RNGTT: variants seen among roughly 807,000 people sequenced by gnomAD.
RNGTT encodes the protein RNA guanylyltransferase and 5'-phosphatase, also known as mRNA-capping enzyme.
Under a neutral mutation model 79.3 loss-of-function variants are expected in RNGTT, and 33 were observed. The observed-to-expected ratio is 0.42, with a 90% CI of 0.32 to 0.56. The LOEUF is 0.56. RNGTT is among the 20% of genes least tolerant of loss of function. The pLI is 0.17. For synonymous variants in RNGTT, 222 were observed against 235.9 expected (o/e 0.94, Z 0.54); for missense variants, 497 against 739.1 (o/e 0.67, Z 3.80).
chr6:88,950,829 C>T (rs1785218410), intron 1 of RNGTT, among the ~76,000 whole-genome samples: 1 of 150,662 alleles, frequency 6.6e-6, no homozygotes, highest in Admixed American at 6.6e-5. Flanking sequence ...GAGATACTGT[C>T]TCAAAAAAAT....
At chr6:88,641,245 A>G (rs1773306305) in intron 14 of RNGTT, among the ~76,000 whole-genome samples, 1 of 151,934 alleles carries the variant, frequency 6.6e-6, no homozygotes, top group African/African-American at 2.4e-5. Flanking sequence ...AAGCTGAGGC[A>G]GGAGAATCAC....
intron 14 of RNGTT, among the ~76,000 whole-genome samples, chr6:88,645,697 C>T (rs1326661435): frequency 1.3e-5 from 2 of 152,112 alleles, no homozygotes; most frequent in African/African-American, 4.8e-5. Flanking sequence ...AGAAATAATA[C>T]CACACATCTA....
intron 13 of RNGTT, among the ~76,000 whole-genome samples, chr6:88,688,317 A>G (rs1417401918): frequency 6.6e-6 from 1 of 152,228 alleles, no homozygotes; most frequent in African/African-American, 2.4e-5. Flanking sequence ...ACTATCAGTA[A>G]GGCCTCATGC....
chr6:88,853,321 C>T (rs1268619507), intron 9 of RNGTT, among the ~76,000 whole-genome samples: 1 of 152,050 alleles, frequency 6.6e-6, no homozygotes, highest in Non-Finnish European at 1.5e-5. Context: ...GCCTGACCAA[C>T]ATGTGAAACA....
intron 2 of RNGTT, among the ~76,000 whole-genome samples, chr6:88,937,160 A>G (rs887111208): frequency 6.6e-6 from 1 of 152,124 alleles, no homozygotes; most frequent in African/African-American, 2.4e-5. Flanking sequence ...TCTGACCACC[A>G]TGAAGAAACC....
intron 10 of RNGTT, among the ~76,000 whole-genome samples, chr6:88,848,288 T>G (rs1354228471): frequency 6.6e-6 from 1 of 152,044 alleles, no homozygotes; most frequent in Non-Finnish European, 1.5e-5. Context: ...GCTGATTTAA[T>G]CACCATCTCC....
chr6:88,842,670 A>G (rs1396931526), intron 11 of RNGTT, among the ~76,000 whole-genome samples: 1 of 152,238 alleles, frequency 6.6e-6, no homozygotes, highest in African/African-American at 2.4e-5. Context: ...ACAAAATCAT[A>G]GCAATATTAG....
In RNGTT at chr6:88,765,657, A is replaced by G. The variant is rs76607751; in HGVS notation, c.1439+4117T>C. ...ACAGATGAGGAAGGTTAGGTAGGTT[A>G]AGTTAACAAGACCACACAGCAAATA... is the stretch of plus-strand genomic sequence containing the variant. On this transcript the variant is annotated intron_variant, in intron 13 of 15. Transcript: ENST00000369485. Among the ~76,000 whole-genome samples, 1,373 of 152,312 alleles carry G rather than the reference A, an allele frequency of 9.0e-3. 19 individuals are homozygous for G. Among genetic ancestry groups the G allele is most frequent in the African/African-American group, 0.031 (1,288 of 41,568 alleles).
At chr6:88,884,308 T>C (rs1006249642) in intron 8 of RNGTT, among the ~76,000 whole-genome samples, 1 of 152,282 alleles carries the variant, frequency 6.6e-6, no homozygotes, top group African/African-American at 2.4e-5. Flanking sequence ...ACAATGCAGC[T>C]GTAAAAAAAG....
intron 12 of RNGTT, among the ~76,000 whole-genome samples, chr6:88,786,843 T>C (rs1259151533): frequency 3.3e-5 from 5 of 152,184 alleles, no homozygotes; most frequent in African/African-American, 4.8e-5. Context: ...AATGTGATGG[T>C]ATTAGGAGGT....
At chr6:88,855,317 A>G (rs1159373894) in intron 8 of RNGTT, among the ~76,000 whole-genome samples, 2 of 152,214 alleles carry the variant, frequency 1.3e-5, no homozygotes, top group Non-Finnish European at 2.9e-5. Context: ...CCACAAACCA[A>G]TGTTCTGAAG....
chr6:88,638,283 A>G (rs1773175015), intron 14 of RNGTT, among the ~76,000 whole-genome samples: 1 of 152,186 alleles, frequency 6.6e-6, no homozygotes, highest in South Asian at 2.1e-4. Context: ...TCTTGTATTT[A>G]TAGCAAGCTA....
chr6:88,818,308 C>G (rs184876888), intron 11 of RNGTT, among the ~76,000 whole-genome samples: 2 of 151,938 alleles, frequency 1.3e-5, no homozygotes, highest in African/African-American at 2.4e-5. Context: ...TTGGGCTGGG[C>G]GCGGTGGCTC....
At chr6:88,702,887 A>G (rs909996675) in intron 13 of RNGTT, among the ~76,000 whole-genome samples, 3 of 152,188 alleles carry the variant, frequency 2.0e-5, no homozygotes, top group African/African-American at 7.2e-5. Context: ...AGAAATAGGC[A>G]AAAGATATGA....
chr6:88,923,705 T>A (rs1480805272), intron 4 of RNGTT, among the ~76,000 whole-genome samples: 3 of 152,146 alleles, frequency 2.0e-5, no homozygotes, highest in Non-Finnish European at 2.9e-5. Context: ...AGGTGCAACA[T>A]TACTCTTCCT....
intron 13 of RNGTT, among the ~76,000 whole-genome samples, chr6:88,728,146 T>C (rs1235265190): frequency 6.6e-6 from 1 of 152,232 alleles, no homozygotes; most frequent in Non-Finnish European, 1.5e-5. Flanking sequence ...TAACTCTCTC[T>C]CTTTCTTCTA....
chr6:88,827,495 G>T (rs545822857), intron 11 of RNGTT, among the ~76,000 whole-genome samples: 1 of 152,272 alleles, frequency 6.6e-6, no homozygotes, highest in East Asian at 1.9e-4. Flanking sequence ...AGCTGCAGGA[G>T]TTTTATTTTC....
At chr6:88,626,740 C>T (rs1312105696) in intron 14 of RNGTT, among the ~76,000 whole-genome samples, 2 of 152,014 alleles carry the variant, frequency 1.3e-5, no homozygotes, top group Admixed American at 1.3e-4. Flanking sequence ...TTCACAGCTG[C>T]AAAGCTTTTG....
chr6:88,843,713 C>T (rs1781383891), intron 11 of RNGTT, among the ~76,000 whole-genome samples: 1 of 151,180 alleles, frequency 6.6e-6, no homozygotes. Flanking sequence ...CATGCGCCGC[C>T]ACACCCGGCT....
Sources: allele counts gnomAD v4.1 joint callset (sites outside exome capture counted in the v4.1 genomes callset), GRCh38; gene constraint gnomAD v4.1.1; transcripts MANE v1.5; gene names NCBI Gene and HGNC (gene_info 2026-07-23, HGNC 2026-07-21).